DENND1A: variants seen among roughly 807,000 people sequenced by gnomAD.
DENND1A encodes DENN domain containing 1A, also known as DENN domain-containing protein 1A.
Under a neutral mutation model 113.7 loss-of-function variants are expected in DENND1A, and 51 were observed. The ratio of observed to expected loss-of-function variants is 0.45; its 90% CI spans 0.36 to 0.57. The LOEUF is 0.57. Ranked by LOEUF, DENND1A falls within the 20% of genes least tolerant of loss-of-function variation. DENND1A has a pLI of 0.00. For missense variants in DENND1A, 1,258 were observed against 1,395.9 expected (o/e 0.90, Z 1.57); for synonymous variants, 565 against 570.8 (o/e 0.99, Z 0.14).
intron 2 of DENND1A, among the ~76,000 whole-genome samples, chr9:123,858,603 C>T (rs1221100739): frequency 6.6e-6 from 1 of 151,794 alleles, no homozygotes; most frequent in Non-Finnish European, 1.5e-5. Flanking sequence ...AAAGGTTGGT[C>T]GAGGGGAGGA....
chr9:123,721,578 T>C (rs2067341735), intron 5 of DENND1A, among the ~76,000 whole-genome samples: 1 of 152,238 alleles, frequency 6.6e-6, no homozygotes, highest in Non-Finnish European at 1.5e-5. Context: ...ACTCCCACAA[T>C]TCCCATATGT....
intron 10 of DENND1A, among the ~76,000 whole-genome samples, chr9:123,619,453 C>G (rs918745052): frequency 6.6e-6 from 1 of 152,128 alleles, no homozygotes; most frequent in Non-Finnish European, 1.5e-5. Context: ...GAGTCTCACT[C>G]TCCTTGACCA....
chr9:123,520,147 CAAAAAAA>C (rs777054330), intron 13 of DENND1A, among the ~76,000 whole-genome samples: 3 of 37,298 alleles, frequency 8.0e-5, no homozygotes, highest in Non-Finnish European at 1.8e-4. Context: ...GATCCTGTCT[CAAAAAAA>C]AAAAAAAAAA....
chr9:123,735,645 G>C (rs2068508493), intron 5 of DENND1A, among the ~76,000 whole-genome samples: 1 of 152,140 alleles, frequency 6.6e-6, no homozygotes, highest in Admixed American at 6.5e-5. Context: ...TTTTTTAAAA[G>C]TTTTTATTGT....
In DENND1A at chr9:123,566,913, C is replaced by CCACACACACACACACACA. The variant is rs59984497; in HGVS notation, c.868-9236_868-9219dup. On this transcript the variant is annotated intron_variant, in intron 12 of 23. Transcript: ENST00000394215. ...TATACAACAATTTAGCTTTAACACA[C>CCACACACACACACACACA]CACACACACACACACACACACACAC... Among the ~76,000 whole-genome samples the CCACACACACACACACACA allele has an allele frequency of 9.2e-3, 1,363 of 147,426 alleles. 11 individuals are homozygous for CCACACACACACACACACA. Among genetic ancestry groups the CCACACACACACACACACA allele is most frequent in the African/African-American group, 0.018 (702 of 39,976 alleles).
rs527574095 is a variant in DENND1A, at chr9:123,892,651, C to A, written c.18-13630G>T. On this transcript the variant is annotated intron_variant, in intron 1 of 23. Coordinates refer to ENST00000394215, the MANE Select transcript of DENND1A (RefSeq NM_001352964.2). ...TGATGGATTGACAGGTGCAGCAAAC[C>A]ACCATGGCACACATTTACCTATGTA... 6.5e-4 allele frequency among the ~76,000 whole-genome samples: 99 copies of A among 152,266 alleles called. 1 individual carries two copies. The highest frequency in any genetic ancestry group is 1.3e-3 in the Non-Finnish European group (90 of 68,008).
intron 4 of DENND1A, among the ~76,000 whole-genome samples, chr9:123,766,351 C>A (rs1275434188): frequency 6.6e-6 from 1 of 152,144 alleles, no homozygotes; most frequent in African/African-American, 2.4e-5. Flanking sequence ...GAGGGCAGGG[C>A]TCCAAGTCTG....
chr9:123,788,267 T>G (rs7860023), intron 3 of DENND1A, among the ~76,000 whole-genome samples: 1 of 152,040 alleles, frequency 6.6e-6, no homozygotes, highest in Non-Finnish European at 1.5e-5. Flanking sequence ...AGACTATTTA[T>G]GGAAATCTCT....
At chr9:123,588,673 A>G (rs1452653341) in intron 11 of DENND1A, among the ~76,000 whole-genome samples, 2 of 150,628 alleles carry the variant, frequency 1.3e-5, no homozygotes, top group Admixed American at 1.3e-4. Flanking sequence ...AGAAAATTAC[A>G]GTTATCCCAG....
chr9:123,413,541 G>GTC lies in DENND1A; in HGVS notation c.1489-1714_1489-1713dup, dbSNP rs957683877. 24 of 985,456 alleles carry GTC rather than the reference G, an allele frequency of 2.4e-5. No homozygotes were observed. The African/African-American group carries it at 4.0e-4, about 16-fold the overall frequency. 61.0% of individuals were successfully genotyped at this position (985,456 alleles called of 1,614,324 possible). ...GGGCCTGTGTCCCAGTTGTCCCTGG[G>GTC]TCCCTGGTGCTCTGCATGGAACCTG... On this transcript the variant is annotated intron_variant, in intron 19 of 23. Coordinates refer to ENST00000394215, the MANE Select transcript of DENND1A (RefSeq NM_001352964.2).
At chr9:123,471,938 T>C (rs565224285) in intron 13 of DENND1A, among the ~76,000 whole-genome samples, 1 of 152,322 alleles carries the variant, frequency 6.6e-6, no homozygotes, top group East Asian at 1.9e-4. Context: ...CCAGAATCTC[T>C]GGATGGGGAT....
At chr9:123,584,023 G>T (rs1589236332) in intron 11 of DENND1A, among the ~76,000 whole-genome samples, 1 of 152,162 alleles carries the variant, frequency 6.6e-6, no homozygotes, top group Non-Finnish European at 1.5e-5. Context: ...CCAAGACAGG[G>T]TGTAGCCTGA....
chr9:123,514,272 G>C (rs1179220739), intron 13 of DENND1A, among the ~76,000 whole-genome samples: 10 of 152,290 alleles, frequency 6.6e-5, no homozygotes, highest in Middle Eastern at 6.8e-3. Context: ...GGCAGGGCAA[G>C]GAGGGCCTGA....
At chr9:123,640,988 G>A (rs944599905) in intron 9 of DENND1A, among the ~76,000 whole-genome samples, 1 of 152,224 alleles carries the variant, frequency 6.6e-6, no homozygotes, top group South Asian at 2.1e-4. Context: ...CATCTAGCTG[G>A]TAGACTCTGA....
chr9:123,395,650 G>A (rs1002716129), intron 21 of DENND1A, among the ~76,000 whole-genome samples: 1 of 152,114 alleles, frequency 6.6e-6, no homozygotes, highest in South Asian at 2.1e-4. Flanking sequence ...CCTACCCCCT[G>A]GGGCCGAGGG....
At chr9:123,619,262 T>G (rs2060818999) in intron 10 of DENND1A, among the ~76,000 whole-genome samples, 1 of 152,214 alleles carries the variant, frequency 6.6e-6, no homozygotes, top group Non-Finnish European at 1.5e-5. Flanking sequence ...AAGTTTTTTA[T>G]AATAAGAATG....
intron 2 of DENND1A, among the ~76,000 whole-genome samples, chr9:123,857,115 T>C (rs567014709): frequency 1.8e-4 from 27 of 149,934 alleles, no homozygotes; most frequent in African/African-American, 6.4e-4. Flanking sequence ...GAATCAAAAT[T>C]TTGGCTTTTA....
intron 10 of DENND1A, among the ~76,000 whole-genome samples, chr9:123,620,451 G>T (rs150649025): frequency 1.2e-3 from 190 of 152,162 alleles, no homozygotes; most frequent in Admixed American, 2.2e-3. Flanking sequence ...CCCTGGCAAT[G>T]ACTTAGCAAA....
At chr9:123,430,249 A>AT (rs2046035229) in intron 19 of DENND1A, among the ~76,000 whole-genome samples, 1 of 152,254 alleles carries the variant, frequency 6.6e-6, no homozygotes, top group Admixed American at 6.5e-5. Context: ...GGGAGTGTAA[A>AT]TTAGTTCAAC....
Sources: allele counts gnomAD v4.1 joint callset (sites outside exome capture counted in the v4.1 genomes callset), GRCh38; gene constraint gnomAD v4.1.1; transcripts MANE v1.5; gene names NCBI Gene and HGNC (gene_info 2026-07-23, HGNC 2026-07-21).